The following DACH2 variants were observed in gnomAD, a reference collection of about 807,000 sequenced individuals.
DACH2 encodes the protein dachshund homolog 2.
DACH2 carries 17 observed loss-of-function variants against 35.8 expected under a neutral mutation model. The ratio of observed to expected loss-of-function variants is 0.48; its 90% CI spans 0.33 to 0.71. The LOEUF (loss-of-function observed/expected upper bound fraction) is 0.71, where lower values mean the gene tolerates loss of function less well. Among genes scored for constraint, DACH2 ranks in the 30% least tolerant of loss-of-function variants. DACH2 has a pLI of 0.02. For missense variants in DACH2, 469 were observed against 472.7 expected (o/e 0.99, Z 0.07); for synonymous variants, 195 against 177.3 (o/e 1.10, Z -0.79).
chrX:86,348,473 G>C (rs149368063), intron 1 of DACH2, among the ~76,000 whole-genome samples: 1,528 of 111,530 alleles, frequency 0.014, 23 homozygotes, highest in African/African-American at 0.047. Flanking sequence ...GGGTGAAAAA[G>C]TTTATTTCAT....
rs771631834 is a variant in DACH2 at position 86,307,102 on chromosome X, A to G, written c.489-69722A>G. Among the ~76,000 whole-genome samples, 6 of 111,963 alleles carry G rather than the reference A, an allele frequency of 5.4e-5. No homozygotes were observed. In the South Asian group the frequency reaches 2.2e-3, roughly 42 times the overall value. On this transcript the variant is annotated intron_variant, in intron 1 of 11. Coordinates refer to ENST00000373125, the MANE Select transcript of DACH2 (RefSeq NM_053281.3). The stretch of plus-strand genomic sequence containing the variant: ...GACTCTACACATAATATCATTGGCC[A>G]TATATGGAGAACCAAGGAACATAAT...
intron 2 of DACH2, among the ~76,000 whole-genome samples, chrX:86,401,557 G>T (rs1256977194): frequency 1.8e-5 from 2 of 111,460 alleles, no homozygotes; most frequent in African/African-American, 3.3e-5. Flanking sequence ...ATTAATGGTT[G>T]CTTTAAAAAC....
chrX:86,707,796 T>A lies in DACH2; in HGVS notation c.932-6752T>A, dbSNP rs190524454. Among the ~76,000 whole-genome samples the A allele has an allele frequency of 6.1e-3, 644 of 106,424 alleles. 7 individuals are homozygous for A. The highest frequency in any genetic ancestry group is 0.021 in the African/African-American group (612 of 28,883). The allele number at this position is 106,424 out of a possible 115,157, so 92.4% of individuals were successfully genotyped here. ...TGTGTGTGGTGGCGTGCGCCTGTAG[T>A]CTCAGCTACTTGGGAGGCTGAAGCA... is the stretch of plus-strand genomic sequence containing the variant. On this transcript the variant is annotated intron_variant, in intron 5 of 11. Coordinates refer to ENST00000373125, the MANE Select transcript of DACH2 (RefSeq NM_053281.3).
chrX:86,541,780 T>C (rs1163203928), intron 3 of DACH2, among the ~76,000 whole-genome samples: 1 of 111,781 alleles, frequency 8.9e-6, no homozygotes, highest in Non-Finnish European at 1.9e-5. Context: ...CTTATTACTC[T>C]GATTTTGTAA....
chrX:86,579,096 GT>G (rs770568711), intron 3 of DACH2, among the ~76,000 whole-genome samples: 3,591 of 102,379 alleles, frequency 0.035, 56 homozygotes, highest in Non-Finnish European at 0.054. Context: ...TCACTTTTTA[GT>G]TTTTTTTTTT....
intron 3 of DACH2, among the ~76,000 whole-genome samples, chrX:86,617,977 A>G (rs1270069862): frequency 8.9e-6 from 1 of 112,462 alleles, no homozygotes; most frequent in East Asian, 2.8e-4. Flanking sequence ...GAAATAATTT[A>G]TATTAAAGAA....
intron 1 of DACH2, among the ~76,000 whole-genome samples, chrX:86,322,910 A>G (rs1447649709): frequency 2.3e-5 from 2 of 87,610 alleles, no homozygotes; most frequent in Non-Finnish European, 4.4e-5. Context: ...GAGAGTATTG[A>G]GACTAAAATT....
chrX:86,493,820 C>T (rs1450224907), intron 2 of DACH2, among the ~76,000 whole-genome samples: 2 of 111,914 alleles, frequency 1.8e-5, no homozygotes, highest in African/African-American at 6.5e-5. Flanking sequence ...CAGATAACAA[C>T]TTCATAATAA....
At chrX:86,470,379 G>A (rs1406283777) in intron 2 of DACH2, among the ~76,000 whole-genome samples, 1 of 111,520 alleles carries the variant, frequency 9.0e-6, no homozygotes, top group Non-Finnish European at 1.9e-5. Context: ...TTTACTTTTA[G>A]ATGATGTCTT....
At chrX:86,616,968 C>T (rs184688363) in intron 3 of DACH2, among the ~76,000 whole-genome samples, 10 of 112,040 alleles carry the variant, frequency 8.9e-5, no homozygotes, top group African/African-American at 2.3e-4. Flanking sequence ...TGTCCAATTT[C>T]GATCTTCTGC....
At chrX:86,579,396 AT>A (rs961381757) in intron 3 of DACH2, among the ~76,000 whole-genome samples, 1 of 111,035 alleles carries the variant, frequency 9.0e-6, no homozygotes, top group Admixed American at 9.7e-5. Context: ...CCCAGCTACC[AT>A]TTTTTAGTTT....
At chrX:86,428,719 CAT>C (rs2148167283) in intron 2 of DACH2, among the ~76,000 whole-genome samples, 1 of 109,428 alleles carries the variant, frequency 9.1e-6, no homozygotes, top group East Asian at 2.9e-4. Flanking sequence ...AAGACTATAC[CAT>C]ATGTTATTTA....
rs760165093 is a variant in DACH2, at chrX:86,427,192, G to A, written c.527+50330G>A. Among the ~76,000 whole-genome samples the A allele has an allele frequency of 1.1e-4, 12 of 111,549 alleles. No individual in the cohort carries two copies. The East Asian group carries it at 3.1e-3, about 29-fold the overall frequency. ...AAGACAGGCTGTGCTGTAGATTGAAGTCTAGGATTGGTGGTACGTTGGACA... is the reference window on the plus strand; with the variant it reads ...AAGACAGGCTGTGCTGTAGATTGAAATCTAGGATTGGTGGTACGTTGGACA... On this transcript the variant is annotated intron_variant, in intron 2 of 11. Coordinates refer to ENST00000373125, the MANE Select transcript of DACH2 (RefSeq NM_053281.3).
At chrX:86,294,209 A>G (rs1292961964) in intron 1 of DACH2, among the ~76,000 whole-genome samples, 1 of 111,323 alleles carries the variant, frequency 9.0e-6, no homozygotes, top group Non-Finnish European at 1.9e-5. Context: ...CTTCCAGTTG[A>G]TTGCATCGGC....
intron 7 of DACH2, among the ~76,000 whole-genome samples, chrX:86,781,931 A>ACAAGGATACTTTGACTT (rs1204214227): frequency 8.9e-6 from 1 of 112,075 alleles, no homozygotes; most frequent in Non-Finnish European, 1.9e-5. Context: ...ATATTTGGAA[A>ACAAGGATACTTTGACTT]ATTTTAAAGA....
chrX:86,311,645 T>C (rs772392758), intron 1 of DACH2, among the ~76,000 whole-genome samples: 2 of 111,393 alleles, frequency 1.8e-5, no homozygotes, highest in South Asian at 7.7e-4. Context: ...TCCTGCAACA[T>C]TACGTTCTGC....
At chrX:86,215,839 T>A (rs963182131) in intron 1 of DACH2, among the ~76,000 whole-genome samples, 4 of 112,311 alleles carry the variant, frequency 3.6e-5, no homozygotes, top group African/African-American at 1.3e-4. Flanking sequence ...TTAGATAGAC[T>A]CAAAACCTTT....
intron 1 of DACH2, among the ~76,000 whole-genome samples, chrX:86,279,793 A>T (rs756435649): frequency 1.5e-4 from 17 of 110,028 alleles, no homozygotes; most frequent in Non-Finnish European, 3.2e-4. Flanking sequence ...CAAATTTCTA[A>T]CTAGAATAAA....
chrX:86,252,651 G>A (rs2033425193), intron 1 of DACH2, among the ~76,000 whole-genome samples: 1 of 110,744 alleles, frequency 9.0e-6, no homozygotes, highest in Admixed American at 9.6e-5. Flanking sequence ...TCAGTTGGCT[G>A]TAAGTATTTG....
Sources: gnomAD v4.1 joint callset for allele counts (sites outside exome capture counted in the v4.1 genomes callset) on GRCh38, gnomAD v4.1.1 for gene constraint, MANE v1.5 for transcripts, NCBI Gene and HGNC (gene_info 2026-07-23, HGNC 2026-07-21) for gene names.